ATP8A2: variants seen among roughly 807,000 people sequenced by gnomAD.
The protein encoded by ATP8A2 is ATPase phospholipid transporting 8A2.
A neutral mutation model predicts 165.6 loss-of-function variants in ATP8A2; 100 were observed. The observed-to-expected ratio is 0.60, with a 90% CI of 0.51 to 0.71. ATP8A2 has a LOEUF of 0.71. Among genes scored for constraint, ATP8A2 ranks in the 30% least tolerant of loss-of-function variants. The pLI is 0.00. For synonymous variants in ATP8A2, 543 were observed against 548.8 expected, an observed-to-expected ratio of 0.99 and a Z score of 0.15; for missense variants, 1,227 against 1,479.5, an observed-to-expected ratio of 0.83 and a Z score of 2.80.
At chr13:25,560,002 AT>A (rs1386812617) in intron 15 of ATP8A2, among the ~76,000 whole-genome samples, 2 of 151,910 alleles carry the variant, frequency 1.3e-5, no homozygotes, top group Non-Finnish European at 2.9e-5. Context: ...TAATTTTGTA[AT>A]TTTTTGTAGA....
intron 24 of ATP8A2, among the ~76,000 whole-genome samples, chr13:25,682,644 G>T (rs1277080610): frequency 6.6e-6 from 1 of 152,196 alleles, no homozygotes; most frequent in Non-Finnish European, 1.5e-5. Context: ...GTTACAGCCC[G>T]AAGAATGTTG....
chr13:25,657,198 G>C (rs932245196), intron 24 of ATP8A2, among the ~76,000 whole-genome samples: 2 of 151,936 alleles, frequency 1.3e-5, no homozygotes, highest in African/African-American at 4.8e-5. Context: ...CATGAAATGA[G>C]TTTGGTGTTC....
intron 1 of ATP8A2, among the ~76,000 whole-genome samples, chr13:25,376,247 G>T (rs1252979433): frequency 6.6e-6 from 1 of 152,136 alleles, no homozygotes; most frequent in Admixed American, 6.6e-5. Flanking sequence ...AACAGAATAC[G>T]CTCATTGATT....
chr13:25,698,298 A>G (rs906255538), intron 24 of ATP8A2, among the ~76,000 whole-genome samples: 15 of 151,188 alleles, frequency 9.9e-5, no homozygotes, highest in African/African-American at 3.4e-4. Flanking sequence ...AGTGTTCACT[A>G]CAGCGTCAAC....
chr13:25,596,064 G>T (rs1178869410), intron 24 of ATP8A2, among the ~76,000 whole-genome samples: 2 of 152,146 alleles, frequency 1.3e-5, no homozygotes, highest in Admixed American at 6.6e-5. Flanking sequence ...TGAGAGAAGA[G>T]GTTCTCTTAG....
At chr13:25,796,599 A>G (rs1950503268) in intron 27 of ATP8A2, among the ~76,000 whole-genome samples, 1 of 152,142 alleles carries the variant, frequency 6.6e-6, no homozygotes, top group African/African-American at 2.4e-5. Flanking sequence ...CTAGCTTCCT[A>G]AAGGACTGTC....
At chr13:25,742,416 A>G (rs1329171529) in intron 25 of ATP8A2, among the ~76,000 whole-genome samples, 1 of 152,070 alleles carries the variant, frequency 6.6e-6, no homozygotes, top group African/African-American at 2.4e-5. Context: ...TGTCTCAGAC[A>G]ACAAATGAGG....
intron 26 of ATP8A2, among the ~76,000 whole-genome samples, chr13:25,774,614 T>C (rs578202908): frequency 2.6e-5 from 4 of 152,246 alleles, no homozygotes; most frequent in South Asian, 4.1e-4. Flanking sequence ...AGAATAACAA[T>C]TAGGAGTCCA....
chr13:25,720,525 G>A (rs928910894), intron 25 of ATP8A2, among the ~76,000 whole-genome samples: 2 of 152,084 alleles, frequency 1.3e-5, no homozygotes, highest in Admixed American at 6.6e-5. Flanking sequence ...AAGAAAATAG[G>A]TTCATCTTTA....
At chr13:25,578,539 G>GC (rs2138222923) in intron 20 of ATP8A2, among the ~76,000 whole-genome samples, 1 of 152,252 alleles carries the variant, frequency 6.6e-6, no homozygotes, top group South Asian at 2.1e-4. Flanking sequence ...GTGAATATAG[G>GC]CCCCCATGTA....
At chr13:26,003,437 A>T (rs192842722) in intron 35 of ATP8A2, among the ~76,000 whole-genome samples, 1 of 152,004 alleles carries the variant, frequency 6.6e-6, no homozygotes, top group African/African-American at 2.4e-5. Flanking sequence ...CTCTTATCAG[A>T]TGTATAGCTT....
intron 27 of ATP8A2, among the ~76,000 whole-genome samples, chr13:25,780,237 T>C (rs1402756205): frequency 1.3e-5 from 2 of 152,326 alleles, no homozygotes; most frequent in Non-Finnish European, 2.9e-5. Flanking sequence ...GAAATAGAGA[T>C]GAGTCTGAAA....
intron 24 of ATP8A2, among the ~76,000 whole-genome samples, chr13:25,609,064 G>T (rs1593639838): frequency 6.6e-6 from 1 of 152,114 alleles, no homozygotes; most frequent in Non-Finnish European, 1.5e-5. Flanking sequence ...TTACCGATTA[G>T]ATTACAAAAT....
intron 23 of ATP8A2, among the ~76,000 whole-genome samples, chr13:25,585,965 G>A (rs2039910132): frequency 6.6e-6 from 1 of 152,202 alleles, no homozygotes; most frequent in Non-Finnish European, 1.5e-5. Flanking sequence ...AACAGATGAG[G>A]AAGTACCAAT....
chr13:25,968,478 G>A (rs769663898), intron 34 of ATP8A2, 97 bp from the exon 35 acceptor site: 39 of 1,043,228 alleles, frequency 3.7e-5, no homozygotes, highest in Admixed American at 8.3e-5. Context: ...CTCCACCAAA[G>A]GGCATTTGGC....
chr13:25,789,997 T>C (rs1476688342), intron 27 of ATP8A2, among the ~76,000 whole-genome samples: 2 of 152,212 alleles, frequency 1.3e-5, no homozygotes, highest in African/African-American at 2.4e-5. Flanking sequence ...ATTCTATAAA[T>C]GGTGCTGGGA....
intron 24 of ATP8A2, among the ~76,000 whole-genome samples, chr13:25,614,324 T>C (rs2040766281): frequency 1.3e-5 from 2 of 152,170 alleles, no homozygotes. Context: ...TTCCAGTATA[T>C]TTTGTATTTC....
At chr13:25,630,470 A>G (rs2041214816) in intron 24 of ATP8A2, among the ~76,000 whole-genome samples, 1 of 152,162 alleles carries the variant, frequency 6.6e-6, no homozygotes, top group African/African-American at 2.4e-5. Flanking sequence ...TTTCCCTGCC[A>G]GTGTGCCCCA....
intron 33 of ATP8A2, among the ~76,000 whole-genome samples, chr13:25,895,572 C>G (rs1184085133): frequency 6.6e-6 from 1 of 151,978 alleles, no homozygotes; most frequent in Non-Finnish European, 1.5e-5. Flanking sequence ...AGGATTCCCT[C>G]TTTTTCTATT....
Sources: allele counts gnomAD v4.1 joint callset (sites outside exome capture counted in the v4.1 genomes callset), GRCh38; gene constraint gnomAD v4.1.1; transcripts MANE v1.5; gene names NCBI Gene and HGNC (gene_info 2026-07-23, HGNC 2026-07-21).